COL22A1: variants seen among roughly 807,000 people sequenced by gnomAD.
The protein encoded by COL22A1 is collagen alpha-1(XXII) chain.
A neutral mutation model predicts 248.9 loss-of-function variants in COL22A1; 221 were observed. The ratio of observed to expected loss-of-function variants is 0.89; its 90% CI spans 0.80 to 0.99. The LOEUF (loss-of-function observed/expected upper bound fraction) is 0.99. Among genes scored for constraint, COL22A1 ranks in the 50% least tolerant of loss-of-function variants. The pLI is 0.00. For missense variants in COL22A1, 2,240 were observed against 2,179.0 expected (o/e 1.03, Z -0.56); for synonymous variants, 891 against 793.4 (o/e 1.12, Z -2.07).
chr8:138,590,014 C>T (rs563276525), intron 64 of COL22A1, among the ~76,000 whole-genome samples: 3 of 152,022 alleles, frequency 2.0e-5, no homozygotes, highest in African/African-American at 7.2e-5. Context: ...ATCTAGGATG[C>T]AAGTAAGTGA....
chr8:138,676,220 C>T (rs1048524797), intron 41 of COL22A1, among the ~76,000 whole-genome samples: 1 of 151,642 alleles, frequency 6.6e-6, no homozygotes, highest in Non-Finnish European at 1.5e-5. Flanking sequence ...CACAGTGAAA[C>T]CCCATCTCTA....
intron 24 of COL22A1, among the ~76,000 whole-genome samples, chr8:138,725,030 A>G (rs934717478): frequency 1.3e-5 from 2 of 152,152 alleles, no homozygotes; most frequent in Non-Finnish European, 2.9e-5. Context: ...AAAAGATGGG[A>G]GGGGAAATGT....
At chr8:138,596,634 G>T (rs923330179) in intron 62 of COL22A1, among the ~76,000 whole-genome samples, 1 of 152,212 alleles carries the variant, frequency 6.6e-6, no homozygotes, top group Non-Finnish European at 1.5e-5. Context: ...CAGAATAAAT[G>T]ATTGATCATA....
chr8:138,846,418 A>T (rs1821248954), intron 3 of COL22A1, among the ~76,000 whole-genome samples: 1 of 152,214 alleles, frequency 6.6e-6, no homozygotes, highest in African/African-American at 2.4e-5. Context: ...GACCACGCAC[A>T]CAGAAATGAT....
At chr8:138,705,531 A>C (rs1286249051) in intron 30 of COL22A1, among the ~76,000 whole-genome samples, 1 of 152,216 alleles carries the variant, frequency 6.6e-6, no homozygotes, top group Non-Finnish European at 1.5e-5. Flanking sequence ...CAGCCAAACT[A>C]AGCTTCATAA....
chr8:138,902,705 C>CAA (rs1272959063), intron 1 of COL22A1, among the ~76,000 whole-genome samples: 1 of 118,164 alleles, frequency 8.5e-6, no homozygotes, highest in South Asian at 2.7e-4. Context: ...GACTCCGTCT[C>CAA]AAAAAAAAAA....
At chr8:138,647,576 G>A (rs1301838988) in intron 46 of COL22A1, among the ~76,000 whole-genome samples, 1 of 152,154 alleles carries the variant, frequency 6.6e-6, no homozygotes, top group Admixed American at 6.6e-5. Flanking sequence ...CACATTGCAT[G>A]TTCTTTATAG....
At chr8:138,643,465 T>G (rs569428748) in intron 47 of COL22A1, among the ~76,000 whole-genome samples, 223 of 152,274 alleles carry the variant, frequency 1.5e-3, no homozygotes, top group Middle Eastern at 3.4e-3. Context: ...GAATTATTGG[T>G]TTTTTGCTTG....
intron 25 of COL22A1, among the ~76,000 whole-genome samples, chr8:138,724,156 C>G (rs770700198): frequency 3.3e-5 from 5 of 152,200 alleles, no homozygotes; most frequent in Non-Finnish European, 5.9e-5. Flanking sequence ...TTAATGTTTT[C>G]TAAGCTCCAC....
At chr8:138,783,500 T>C (rs1268266291) in intron 12 of COL22A1, among the ~76,000 whole-genome samples, 1 of 152,142 alleles carries the variant, frequency 6.6e-6, no homozygotes, top group Non-Finnish European at 1.5e-5. Context: ...CTTCCACATT[T>C]TTCTGCCTGC....
intron 58 of COL22A1, among the ~76,000 whole-genome samples, chr8:138,605,356 T>C (rs1818341552): frequency 6.6e-6 from 1 of 152,198 alleles, no homozygotes; most frequent in Non-Finnish European, 1.5e-5. Context: ...ACCCCACTCT[T>C]ATCATGACTC....
At chr8:138,678,747 T>C (rs4361792) in intron 40 of COL22A1, among the ~76,000 whole-genome samples, 104,682 of 151,830 alleles carry the variant, frequency 0.69, 38,280 homozygotes, top group East Asian at 0.81. Flanking sequence ...CAAATCAACC[T>C]CATCCTGTGA....
intron 49 of COL22A1, among the ~76,000 whole-genome samples, chr8:138,632,612 A>G (rs539274782): frequency 1.3e-5 from 2 of 152,328 alleles, no homozygotes; most frequent in African/African-American, 2.4e-5. Flanking sequence ...GCCAAATTTT[A>G]GAGATGTAAA....
intron 1 of COL22A1, among the ~76,000 whole-genome samples, chr8:138,894,371 T>C (rs944740133): frequency 1.3e-5 from 2 of 152,152 alleles, no homozygotes; most frequent in Non-Finnish European, 2.9e-5. Flanking sequence ...AACACAGCCA[T>C]GGGCAAAGTG....
At chr8:138,897,808 A>C (rs1295966155) in intron 1 of COL22A1, among the ~76,000 whole-genome samples, 1 of 152,164 alleles carries the variant, frequency 6.6e-6, no homozygotes, top group East Asian at 1.9e-4. Flanking sequence ...CAGAAAAAAA[A>C]AAACGGCTGA....
At chr8:138,846,213 T>G (rs1007101058) in intron 3 of COL22A1, among the ~76,000 whole-genome samples, 4 of 152,168 alleles carry the variant, frequency 2.6e-5, no homozygotes, top group African/African-American at 9.7e-5. Flanking sequence ...GACGATCAAT[T>G]GCTTTAAGTT....
chr8:138,739,788 C>A (rs1464402964), intron 22 of COL22A1, among the ~76,000 whole-genome samples: 1 of 152,140 alleles, frequency 6.6e-6, no homozygotes, highest in Admixed American at 6.6e-5. Flanking sequence ...GAAGATACAA[C>A]TTGGAGATTT....
intron 22 of COL22A1, among the ~76,000 whole-genome samples, chr8:138,741,168 C>T (rs563677066): frequency 3.9e-5 from 6 of 152,188 alleles, no homozygotes; most frequent in Admixed American, 1.3e-4. Context: ...GTCTGTAATC[C>T]TCCCTTCACA....
At chr8:138,858,233 T>C (rs1461307420) in intron 3 of COL22A1, among the ~76,000 whole-genome samples, 1 of 152,224 alleles carries the variant, frequency 6.6e-6, no homozygotes, top group Non-Finnish European at 1.5e-5. Flanking sequence ...ACTCTCAGTA[T>C]CTGCTCTTCA....
Sources: allele counts gnomAD v4.1 joint callset (sites outside exome capture counted in the v4.1 genomes callset), GRCh38; gene constraint gnomAD v4.1.1; transcripts MANE v1.5; gene names NCBI Gene and HGNC (gene_info 2026-07-23, HGNC 2026-07-21).